The following SND1 variants were observed in gnomAD, a reference collection of about 807,000 sequenced individuals.
The protein encoded by SND1 is staphylococcal nuclease and tudor domain containing 1, also known as staphylococcal nuclease domain-containing protein 1.
Under a neutral mutation model 121.7 loss-of-function variants are expected in SND1, and 38 were observed. The observed-to-expected ratio is 0.31, with a 90% CI of 0.24 to 0.41. SND1 has a LOEUF of 0.41. Ranked by LOEUF, SND1 falls within the 10% of genes least tolerant of loss-of-function variation. The probability of loss-of-function intolerance (pLI) is 1.00; values close to 1 mark genes in which losing one functional copy is unlikely to be tolerated. For missense variants in SND1, 868 were observed against 1,184.6 expected (o/e 0.73, Z 3.92); for synonymous variants, 401 against 447.4 (o/e 0.90, Z 1.31).
chr7:127,743,329 A>T (rs1190952093), intron 10 of SND1, among the ~76,000 whole-genome samples: 1 of 152,218 alleles, frequency 6.6e-6, no homozygotes, highest in Non-Finnish European at 1.5e-5. Context: ...TTTCCCTTGA[A>T]GCTTTCTTTG....
At chr7:127,697,660 C>T (rs980282277) in intron 3 of SND1, among the ~76,000 whole-genome samples, 9 of 152,276 alleles carry the variant, frequency 5.9e-5, no homozygotes, top group Non-Finnish European at 2.9e-5. Context: ...CACTCACCCT[C>T]GGAACCTGAA....
At chr7:127,850,693 A>C (rs1405729444) in intron 12 of SND1, among the ~76,000 whole-genome samples, 5 of 152,184 alleles carry the variant, frequency 3.3e-5, no homozygotes, top group Non-Finnish European at 7.3e-5. Context: ...CCGCCTTCCC[A>C]AAAAGAGCAG....
At chr7:127,664,485 C>A (rs1795376499) in intron 1 of SND1, among the ~76,000 whole-genome samples, 1 of 152,064 alleles carries the variant, frequency 6.6e-6, no homozygotes, top group African/African-American at 2.4e-5. Context: ...GGTGGTGTGC[C>A]CAGAGAGGGC....
rs75519870 is a variant in SND1, at chr7:128,088,951, T to C, written c.2419-538T>C. On this transcript the variant is annotated intron_variant, in intron 21 of 23. Transcript: ENST00000354725. ...CAGGGTAGGAAAGAAAGGGGTCACT[T>C]GCAAATAGTCTCTGGCTGAGGGCAA... Among the ~76,000 whole-genome samples, 718 of 152,190 alleles carry C rather than the reference T, an allele frequency of 4.7e-3. 10 individuals carry two copies. The East Asian group carries it at 0.056, about 12-fold the overall frequency.
At chr7:127,938,139 T>C (rs527656394) in intron 15 of SND1, among the ~76,000 whole-genome samples, 2 of 152,360 alleles carry the variant, frequency 1.3e-5, no homozygotes, top group African/African-American at 2.4e-5. Flanking sequence ...CATGAGACTT[T>C]CCTGGAGCTG....
At position 127,652,388 on chromosome 7, in the gene SND1, G is replaced by T. The variant is rs145576520; in HGVS notation, c.15G>T (p.Ala5=). The change falls in exon 1 of 24, where the codon GCG becomes GCT. Residue 5 remains alanine (A), a synonymous_variant. Coordinates refer to ENST00000354725, the MANE Select transcript of SND1 (RefSeq NM_014390.4). Reference sequence around the variant, plus strand: ...CATCTCCACACATGGCGTCCTCCGCGCAGAGCGGCGGCTCCTCCGGGGGAC... The same window carrying T: ...CATCTCCACACATGGCGTCCTCCGCTCAGAGCGGCGGCTCCTCCGGGGGAC... MASS[A]QSGGSSGGPA... is the part of the protein sequence containing the mutation. The T allele has an allele frequency of 6.3e-7, 1 of 1,598,824 alleles. No individual in the cohort carries two copies. The highest frequency in any genetic ancestry group is 8.5e-7 in the Non-Finnish European group (1 of 1,173,356).
chr7:127,778,214 G>T (rs1398607222), intron 10 of SND1, among the ~76,000 whole-genome samples: 1 of 88,294 alleles, frequency 1.1e-5, no homozygotes, highest in African/African-American at 5.6e-5. Flanking sequence ...TATTTATTTT[G>T]AGACGGAGTC....
intron 10 of SND1, among the ~76,000 whole-genome samples, chr7:127,793,395 C>G (rs979300310): frequency 6.6e-6 from 1 of 152,008 alleles, no homozygotes; most frequent in African/African-American, 2.4e-5. Context: ...TTTGCTATTG[C>G]GAGGATTAGA....
chr7:127,697,008 A>C (rs1157233519), intron 3 of SND1, among the ~76,000 whole-genome samples: 1 of 152,240 alleles, frequency 6.6e-6, no homozygotes, highest in Non-Finnish European at 1.5e-5. Flanking sequence ...GAAAGAAAAC[A>C]GTGGCTTAGA....
intron 15 of SND1, among the ~76,000 whole-genome samples, chr7:127,979,609 T>C (rs1802211153): frequency 6.6e-6 from 1 of 152,150 alleles, no homozygotes; most frequent in South Asian, 2.1e-4. Context: ...GGGGGTTGTT[T>C]ACTGAAACTA....
intron 15 of SND1, among the ~76,000 whole-genome samples, chr7:127,970,203 A>G (rs1801952152): frequency 6.6e-6 from 1 of 152,220 alleles, no homozygotes; most frequent in Non-Finnish European, 1.5e-5. Context: ...ACATCTAAAA[A>G]CAGAATTCCT....
At chr7:127,698,536 A>C (rs1054566606) in intron 3 of SND1, among the ~76,000 whole-genome samples, 2 of 152,094 alleles carry the variant, frequency 1.3e-5, no homozygotes, top group African/African-American at 4.8e-5. Flanking sequence ...CTATTCCTCC[A>C]GTCACCACTT....
intron 11 of SND1, among the ~76,000 whole-genome samples, chr7:127,835,304 A>T (rs1283911436): frequency 6.6e-6 from 1 of 152,156 alleles, no homozygotes; most frequent in Non-Finnish European, 1.5e-5. Context: ...AAGTATCTCC[A>T]TGTAAAATTT....
chr7:127,918,914 G>C (rs1268869351), intron 14 of SND1, among the ~76,000 whole-genome samples: 1 of 152,038 alleles, frequency 6.6e-6, no homozygotes, highest in African/African-American at 2.4e-5. Flanking sequence ...TGCATTTGTT[G>C]TTCTTCAAAA....
At chr7:127,789,614 G>C (rs1466068635) in intron 10 of SND1, among the ~76,000 whole-genome samples, 2 of 152,160 alleles carry the variant, frequency 1.3e-5, no homozygotes. Flanking sequence ...TGCTTTTAAG[G>C]AAATCCAGCA....
intron 16 of SND1, among the ~76,000 whole-genome samples, chr7:127,995,991 C>A (rs1802646328): frequency 6.6e-6 from 1 of 151,994 alleles, no homozygotes; most frequent in Non-Finnish European, 1.5e-5. Flanking sequence ...GCTGGACAGC[C>A]CCAGCTGAAA....
At chr7:127,730,493 T>C (rs930217991) in intron 10 of SND1, among the ~76,000 whole-genome samples, 1 of 152,252 alleles carries the variant, frequency 6.6e-6, no homozygotes, top group South Asian at 2.1e-4. Flanking sequence ...CATCCTTGTT[T>C]CACTTTATTG....
intron 12 of SND1, among the ~76,000 whole-genome samples, chr7:127,877,205 A>T (rs1799708370): frequency 6.6e-6 from 1 of 152,194 alleles, no homozygotes; most frequent in African/African-American, 2.4e-5. Flanking sequence ...ACAGTACTGC[A>T]GAAATCCTGG....
intron 13 of SND1, among the ~76,000 whole-genome samples, chr7:127,902,908 T>C (rs1449639978): frequency 2.6e-5 from 4 of 151,202 alleles, no homozygotes; most frequent in Admixed American, 2.6e-4. Flanking sequence ...TTTTTTGAGA[T>C]GGAGTCTCTC....
Sources: gnomAD v4.1 joint callset for allele counts (sites outside exome capture counted in the v4.1 genomes callset) on GRCh38, gnomAD v4.1.1 for gene constraint, MANE v1.5 for transcripts, NCBI Gene and HGNC (gene_info 2026-07-23, HGNC 2026-07-21) for gene names.